Variants in CAMTA1 observed in about 807,000 individuals in gnomAD.
CAMTA1 encodes the protein calmodulin binding transcription activator 1.
A neutral mutation model predicts 170.9 loss-of-function variants in CAMTA1; 27 were observed. The observed-to-expected ratio is 0.16, with a 90% CI of 0.12 to 0.22. CAMTA1 has a LOEUF of 0.22. Ranked by LOEUF, CAMTA1 falls within the 10% of genes least tolerant of loss-of-function variation. CAMTA1 has a pLI of 1.00. For missense variants in CAMTA1, 1,619 were observed against 2,217.2 expected, an observed-to-expected ratio of 0.73 and a Z score of 5.42; for synonymous variants, 833 against 891.5, an observed-to-expected ratio of 0.93 and a Z score of 1.17.
Position 7,640,615 on chromosome 1 carries a change from G to A in CAMTA1, c.664+62G>A, listed in dbSNP as rs116748438. On this transcript the variant is annotated intron_variant, in intron 7 of 22. Coordinates refer to ENST00000303635, the MANE Select transcript of CAMTA1 (RefSeq NM_015215.4). ...GGAACCAGGCTGGCATCAACCAGGC[G>A]GGGCCAGGAAGGTCCTCTGTGGCCT... The A allele has an allele frequency of 3.7e-3, 5,966 of 1,602,316 alleles. 179 individuals are homozygous for A. In the African/African-American group the frequency reaches 0.07, roughly 19 times the overall value.
At chr1:7,276,303 A>ATATATATATATATATATATTTTT in intron 5 of CAMTA1, among the ~76,000 whole-genome samples, 2 of 24,216 alleles carry the variant, frequency 8.3e-5, no homozygotes, top group Non-Finnish European at 1.2e-4. Context: ...ATATATATAT[A>ATATATATATATATATATATTTTT]TTTTTTTTTT....
chr1:7,164,131 G>A (rs963258575), intron 4 of CAMTA1, among the ~76,000 whole-genome samples: 7 of 152,084 alleles, frequency 4.6e-5, no homozygotes, highest in Admixed American at 3.9e-4. Flanking sequence ...CCCACTCCTC[G>A]CTCCCCACGT....
rs549453523 is a variant in CAMTA1, at chr1:7,328,121, G to A, written c.438+78495G>A. Among the ~76,000 whole-genome samples, 36 of 152,206 alleles carry A rather than the reference G, an allele frequency of 2.4e-4. 1 individual carries two copies. The highest frequency in any genetic ancestry group is 7.2e-4 in the African/African-American group (30 of 41,546). On this transcript the variant is annotated intron_variant, in intron 5 of 22. Transcript: ENST00000303635. ...TTTTCACTGTGATGTACTAGGTGAG[G>A]GTTTGTTTTTGCTTTTCCTGACTGG...
At chr1:7,282,955 C>T (rs145258457) in intron 5 of CAMTA1, among the ~76,000 whole-genome samples, 355 of 152,152 alleles carry the variant, frequency 2.3e-3, no homozygotes, top group African/African-American at 7.7e-3. Flanking sequence ...ACAAAATGTC[C>T]GCAAGATTCA....
intron 3 of CAMTA1, among the ~76,000 whole-genome samples, chr1:7,076,456 T>A (rs1468745458): frequency 3.3e-5 from 5 of 152,190 alleles, no homozygotes; most frequent in African/African-American, 1.2e-4. Flanking sequence ...ATCTTTCATC[T>A]TACTCCTTGA....
chr1:6,998,646 G>C (rs544720622), intron 3 of CAMTA1, among the ~76,000 whole-genome samples: 1 of 152,348 alleles, frequency 6.6e-6, no homozygotes, highest in East Asian at 1.9e-4. Flanking sequence ...CTTGCCAAAC[G>C]TAAGAGCCAC....
chr1:6,909,568 A>G (rs929851617), intron 3 of CAMTA1, among the ~76,000 whole-genome samples: 1 of 152,172 alleles, frequency 6.6e-6, no homozygotes, highest in Non-Finnish European at 1.5e-5. Context: ...GCTGTGCCTC[A>G]CAGGGGTTTG....
intron 4 of CAMTA1, among the ~76,000 whole-genome samples, chr1:7,174,011 A>G (rs111444207): frequency 0.029 from 4,403 of 152,104 alleles, 208 homozygotes; most frequent in African/African-American, 0.1. Flanking sequence ...ATACCTGGGT[A>G]CCTTTCCTTG....
At position 7,665,323 on chromosome 1, in the gene CAMTA1, A is replaced by G. The variant is rs1005992515; in HGVS notation, c.2652+124A>G. On this transcript the variant is annotated intron_variant, in intron 9 of 22. Coordinates refer to ENST00000303635, the MANE Select transcript of CAMTA1 (RefSeq NM_015215.4). This position sits in a 1 kb window ranked among gnomAD's most constrained non-coding sequence, Gnocchi z 4.3. ...TCAGAGGAAGCTCTGGACCACAAAG[A>G]TGATGCTTTCCCCTCCTTGTGTCCC... The G allele has an allele frequency of 3.7e-5, 27 of 728,844 alleles. No individual in the cohort carries two copies. Among genetic ancestry groups the G allele is most frequent in the East Asian group, 3.2e-4 (10 of 31,616 alleles). The allele number at this position is 728,844 out of a possible 1,614,324, so 45.1% of individuals were successfully genotyped here.
chr1:7,100,826 T>C (rs2148238306), intron 4 of CAMTA1, among the ~76,000 whole-genome samples: 1 of 152,362 alleles, frequency 6.6e-6, no homozygotes, highest in East Asian at 1.9e-4. Flanking sequence ...ATGCTGTGCA[T>C]GTCCCCTAAC....
At chr1:7,746,973 A>G (rs970657180) in intron 18 of CAMTA1, among the ~76,000 whole-genome samples, 1 of 152,162 alleles carries the variant, frequency 6.6e-6, no homozygotes, top group Non-Finnish European at 1.5e-5. Context: ...CCTGAGTACA[A>G]TGTCTCTTTA....
intron 4 of CAMTA1, among the ~76,000 whole-genome samples, chr1:7,170,294 C>CT (rs750800065): frequency 0.022 from 2,843 of 132,228 alleles, 34 homozygotes; most frequent in African/African-American, 0.034. Flanking sequence ...AAATGGGTTT[C>CT]TTTTTTTTTT....
At chr1:6,914,188 T>C (rs1680301892) in intron 3 of CAMTA1, among the ~76,000 whole-genome samples, 1 of 146,516 alleles carries the variant, frequency 6.8e-6, no homozygotes, top group African/African-American at 2.5e-5. Context: ...CACTGCAACC[T>C]CTGCCTCCCG....
rs562012887 is a variant in CAMTA1 at position 7,680,262 on chromosome 1, T to C, written c.2914+2529T>C. The stretch of plus-strand genomic sequence containing the variant: ...TGTCCCTCCCGGCCCCTCCCCTCGG[T>C]CTCCGCAGCTTCTCGGCTCAGCCCC... On this transcript the variant is annotated intron_variant, in intron 11 of 22. Transcript: ENST00000303635. This position sits in a 1 kb window ranked among gnomAD's most constrained non-coding sequence, Gnocchi z 4.4. 8.8e-6 allele frequency: 2 copies of C among 226,452 alleles called. No homozygotes were observed. Among genetic ancestry groups the C allele is most frequent in the Non-Finnish European group, 1.9e-5 (2 of 105,172 alleles). The allele number at this position is 226,452 out of a possible 1,614,324, so 14.0% of individuals were successfully genotyped here.
chr1:7,524,282 C>T (rs1202068084), intron 6 of CAMTA1, among the ~76,000 whole-genome samples: 1 of 152,176 alleles, frequency 6.6e-6, no homozygotes, highest in South Asian at 2.1e-4. Flanking sequence ...GTGGTGGCCA[C>T]ATATTTATGA....
At chr1:7,215,393 T>C (rs757599139) in intron 4 of CAMTA1, among the ~76,000 whole-genome samples, 38 of 152,350 alleles carry the variant, frequency 2.5e-4, no homozygotes, top group Non-Finnish European at 4.7e-4. Flanking sequence ...GTATGTAGTT[T>C]TTTGTTTGTT....
intron 4 of CAMTA1, among the ~76,000 whole-genome samples, chr1:7,157,171 A>G (rs553794255): frequency 9.9e-5 from 15 of 151,892 alleles, no homozygotes; most frequent in East Asian, 3.9e-4. Flanking sequence ...GTGAAACCCC[A>G]TCTCTACTAA....
At chr1:6,847,516 A>G (rs1020496827) in intron 3 of CAMTA1, among the ~76,000 whole-genome samples, 2 of 151,518 alleles carry the variant, frequency 1.3e-5, no homozygotes, top group East Asian at 3.9e-4. Flanking sequence ...ATAGAAGGCT[A>G]TGTATGCCAC....
intron 4 of CAMTA1, among the ~76,000 whole-genome samples, chr1:7,105,047 A>G (rs1643439413): frequency 1.3e-5 from 2 of 152,144 alleles, no homozygotes; most frequent in Non-Finnish European, 2.9e-5. Context: ...TAGTTACGCC[A>G]TTTCTCTGGT....
Sources: gnomAD v4.1 joint callset for allele counts (sites outside exome capture counted in the v4.1 genomes callset) on GRCh38, gnomAD v4.1.1 for gene constraint, Gnocchi (gnomAD v3.1) non-coding constraint, MANE v1.5 for transcripts, NCBI Gene and HGNC (gene_info 2026-07-23, HGNC 2026-07-21) for gene names.